Variants in TTC22 observed in about 807,000 individuals in gnomAD.
The protein encoded by TTC22 is tetratricopeptide repeat domain 22, also known as tetratricopeptide repeat protein 22.
In TTC22, 42 loss-of-function variants were observed where a neutral mutation model predicts 48.2. That is an observed-to-expected ratio of 0.87 (90% CI 0.68 to 1.13). The LOEUF is 1.13. Ranked by LOEUF, TTC22 falls within the 50% of genes most tolerant of loss-of-function variation. TTC22 has a pLI of 0.00. For missense variants in TTC22, 784 were observed against 807.0 expected (o/e 0.97, Z 0.34); for synonymous variants, 345 against 365.5 (o/e 0.94, Z 0.64).
intron 1 of TTC22, among the ~76,000 whole-genome samples, chr1:54,799,471 C>T (rs1646417022): frequency 6.6e-6 from 1 of 152,182 alleles, no homozygotes; most frequent in South Asian, 2.1e-4. Context: ...AAACCACAGC[C>T]CAGGGAGAAG....
chr1:54,788,146 C>G, intron 1 of TTC22, 49 bp from the exon 2 acceptor site: 1 of 1,581,182 alleles, frequency 6.3e-7, no homozygotes, highest in Non-Finnish European at 8.7e-7. Flanking sequence ...GGTACTCTGG[C>G]CATTGTTCAT....
rs755985431 is a variant in TTC22 at position 54,786,119 on chromosome 1, G to A, written c.884C>T (p.Pro295Leu). ...TTTTGCCAGGCGATTCAGGATGGGA[G>A]GTTGGTTCTTGGCAATCTCAATGGC... Reference protein sequence around the residue: ...GKAIEIAKNQPPILNRLAKIF... With the variant: ...GKAIEIAKNQLPILNRLAKIF... The change falls in exon 5 of 7, where the codon CCT (proline) becomes CTT (leucine). Residue 295 changes from proline to leucine, a missense_variant. Transcript: ENST00000371276. 2 of 1,614,142 alleles carry A rather than the reference G, an allele frequency of 1.2e-6. No homozygotes were observed. Among genetic ancestry groups the A allele is most frequent in the African/African-American group, 2.7e-5 (2 of 75,048 alleles).
chr1:54,796,171 T>TGC (rs1553186951), intron 1 of TTC22, among the ~76,000 whole-genome samples: 1 of 152,254 alleles, frequency 6.6e-6, no homozygotes, highest in Non-Finnish European at 1.5e-5. Flanking sequence ...CGTGTGTGTG[T>TGC]GCGCGTGTGT....
chr1:54,800,667 G>C lies in TTC22; in HGVS notation c.497C>G (p.Pro166Arg). 6.4e-7 allele frequency: 1 copy of C among 1,556,110 alleles called. No individual in the cohort carries two copies. Among genetic ancestry groups the C allele is most frequent in the South Asian group, 1.2e-5 (1 of 85,616 alleles). The change falls in exon 1 of 7, where the codon CCA becomes CGA. Residue 166 changes from proline (P) to arginine (R), a missense_variant. Coordinates refer to ENST00000371276, the MANE Select transcript of TTC22 (RefSeq NM_001114108.2). ...CGCCAGCCCCCGCGCACGCTCCTCT[G>C]GGCTGGCGCAGCCGACGTCGAAGCC... is the stretch of plus-strand genomic sequence containing the variant. Reference protein sequence around the residue: ...AHGFDVGCASPEERARGLAAG... With the variant: ...AHGFDVGCASREERARGLAAG...
At chr1:54,783,756 T>A (rs1300972322) in intron 5 of TTC22, among the ~76,000 whole-genome samples, 4 of 152,230 alleles carry the variant, frequency 2.6e-5, no homozygotes, top group Non-Finnish European at 4.4e-5. Context: ...TTTGGGAGGC[T>A]GCAGCTGGAG....
intron 1 of TTC22, among the ~76,000 whole-genome samples, chr1:54,799,282 C>T (rs1646415251): frequency 6.6e-6 from 1 of 152,208 alleles, no homozygotes; most frequent in African/African-American, 2.4e-5. Flanking sequence ...CTGGGGAATC[C>T]CCACTGTGGC....
Position 54,780,860 on chromosome 1 carries a change from G to C in TTC22, c.*383C>G. Reference sequence around the variant, plus strand: ...GTGGCCTACCGGAGTCCAAAGACAGGCACTCAGGCCTGAGGGATTGAGCGC... The same window carrying C: ...GTGGCCTACCGGAGTCCAAAGACAGCCACTCAGGCCTGAGGGATTGAGCGC... On this transcript the variant is annotated 3_prime_UTR_variant, in exon 7 of 7. Coordinates refer to ENST00000371276, the MANE Select transcript of TTC22 (RefSeq NM_001114108.2). 1 of 170,244 alleles carries C rather than the reference G, an allele frequency of 5.9e-6. No homozygotes were observed. Among genetic ancestry groups the C allele is most frequent in the Non-Finnish European group, 1.2e-5 (1 of 80,392 alleles). The allele number at this position is 170,244 out of a possible 1,614,324, so 10.5% of individuals were successfully genotyped here.
chr1:54,785,789 G>C, intron 5 of TTC22, 194 bp downstream of exon 5: 1 of 575,000 alleles, frequency 1.7e-6, no homozygotes, highest in Non-Finnish European at 3.1e-6. Context: ...CTCCAGTTGG[G>C]TGACAGAGCG....
chr1:54,794,616 A>T (rs1646376486), intron 1 of TTC22: 1 of 152,138 alleles, frequency 6.6e-6, no homozygotes, highest in Non-Finnish European at 1.5e-5. Context: ...TCTGGGGAGG[A>T]GGAATGACAA....
intron 1 of TTC22, among the ~76,000 whole-genome samples, chr1:54,798,922 A>T (rs1646412044): frequency 6.6e-6 from 1 of 152,238 alleles, no homozygotes; most frequent in Admixed American, 6.5e-5. Flanking sequence ...GCAAAATAAT[A>T]ACAGAACTAG....
At position 54,786,922 on chromosome 1, in the gene TTC22, C is replaced by G. The variant is rs376287539; in HGVS notation, c.858+35G>C. ...GAGGCTGGGGTGCCAGGCTCCTTCTCAGTTTAGAGGGTGGGTGTGGCTGGG... is the reference window on the plus strand; with the variant it reads ...GAGGCTGGGGTGCCAGGCTCCTTCTGAGTTTAGAGGGTGGGTGTGGCTGGG... On this transcript the variant is annotated intron_variant, in intron 4 of 6. Coordinates refer to ENST00000371276, the MANE Select transcript of TTC22 (RefSeq NM_001114108.2). 84 of 1,148,790 alleles carry G rather than the reference C, an allele frequency of 7.3e-5. No individual in the cohort carries two copies. The African/African-American group carries it at 1.2e-3, about 16-fold the overall frequency. 71.2% of individuals were successfully genotyped at this position (1,148,790 alleles called of 1,614,324 possible). A position where few individuals can be genotyped will look rare whatever the true frequency, so the allele number is the denominator to read the frequency against.
chr1:54,785,329 C>A, intron 5 of TTC22: 1 of 286,540 alleles, frequency 3.5e-6, no homozygotes, highest in Non-Finnish European at 6.9e-6. Flanking sequence ...TTATATCTTA[C>A]AGATTTGGGA....
rs749272097 is a variant in TTC22, at chr1:54,801,177, G to C, written c.-14C>G. ...CAGCTCCGCCATGACTGCTCCCTCT[G>C]CTCCCCTGGCCTCACCCTTGTCCCT... is the stretch of plus-strand genomic sequence containing the variant. On this transcript the variant is annotated 5_prime_UTR_variant, in exon 1 of 7. Coordinates refer to ENST00000371276, the MANE Select transcript of TTC22 (RefSeq NM_001114108.2). 9 of 1,608,638 alleles carry C rather than the reference G, an allele frequency of 5.6e-6. No individual in the cohort carries two copies. The highest frequency in any genetic ancestry group is 6.8e-6 in the Non-Finnish European group (8 of 1,176,904).
intron 1 of TTC22, among the ~76,000 whole-genome samples, chr1:54,800,017 A>T (rs1646421102): frequency 6.6e-6 from 1 of 152,192 alleles, no homozygotes; most frequent in African/African-American, 2.4e-5. Flanking sequence ...ACCCAGGGTC[A>T]GCTCTCTTAA....
rs1471762219 is a variant in TTC22, at chr1:54,787,817, G to A, written c.633C>T (p.Gly211=). Residue 211 remains glycine, a synonymous_variant, in exon 3 of 7, where the codon GGC becomes GGT. Coordinates refer to ENST00000371276, the MANE Select transcript of TTC22 (RefSeq NM_001114108.2). The stretch of plus-strand genomic sequence containing the variant: ...CCTCACTGCCCAGCTCCAGGAAGAT[G>A]CCATCTAGCCTGTGGCCGAGAAGGA... The part of the protein sequence containing the change: ...TMATLYIRLD[G]IFLELGSEEQ... 1.7e-5 allele frequency: 28 copies of A among 1,608,808 alleles called. No individual in the cohort carries two copies. The highest frequency in any genetic ancestry group is 1.7e-4 in the Middle Eastern group (1 of 6,058).
chr1:54,787,891 C>T (rs1646318271), intron 2 of TTC22, 65 bp from the exon 3 acceptor site: 3 of 1,508,398 alleles, frequency 2.0e-6, no homozygotes, highest in African/African-American at 2.7e-5. Flanking sequence ...GCTGCCAGCC[C>T]TGCCCAGGCC....
Position 54,781,575 on chromosome 1 carries a change from C to T in TTC22, c.1378G>A (p.Glu460Lys). Residue 460 changes from glutamate (E) to lysine (K), a missense_variant, in exon 7 of 7, where the codon GAG becomes AAG. Glu to Lys is a moderately conservative substitution (Grantham distance 56). Coordinates refer to ENST00000371276, the MANE Select transcript of TTC22 (RefSeq NM_001114108.2). Reference protein sequence around the residue: ...NAAACFKRAVELDDAGSSHTD... With the variant: ...NAAACFKRAVKLDDAGSSHTD... ...TGGCTGGAGCCCGCGTCGTCCAGCT[C>T]CACTGCGCGCTTGAAGCAGGCGGCC... 1 of 1,523,998 alleles carries T rather than the reference C, an allele frequency of 6.6e-7. No individual in the cohort carries two copies. Among genetic ancestry groups the T allele is most frequent in the Middle Eastern group, 1.8e-4 (1 of 5,416 alleles). The allele number at this position is 1,523,998 out of a possible 1,614,324, so 94.4% of individuals were successfully genotyped here.
In TTC22 at chr1:54,782,910, A is replaced by C. The variant is rs13376561; in HGVS notation, c.1021-433T>G. 6.4e-4 allele frequency among the ~76,000 whole-genome samples: 98 copies of C among 152,334 alleles called. 1 individual carries two copies. The highest frequency in any genetic ancestry group is 2.2e-3 in the African/African-American group (91 of 41,574). On this transcript the variant is annotated intron_variant, in intron 5 of 6. Transcript: ENST00000371276. Reference sequence around the variant, plus strand: ...AAGTGGTAAGTGCTATGACAAAATAAATATGGCAATGGGATAGAGGTGATT... The same window carrying C: ...AAGTGGTAAGTGCTATGACAAAATACATATGGCAATGGGATAGAGGTGATT...
chr1:54,787,609 C>G, intron 3 of TTC22, 102 bp downstream of exon 3: 1 of 840,858 alleles, frequency 1.2e-6, no homozygotes, highest in Non-Finnish European at 2.0e-6. Flanking sequence ...GAGGAAGAAA[C>G]AGGAGCCAAG....
Sources: gnomAD v4.1 joint callset for allele counts (sites outside exome capture counted in the v4.1 genomes callset) on GRCh38, gnomAD v4.1.1 for gene constraint, MANE v1.5 for transcripts, NCBI Gene and HGNC (gene_info 2026-07-23, HGNC 2026-07-21) for gene names.